The following CIT variants were observed in gnomAD, a reference collection of about 807,000 sequenced individuals.
The protein encoded by CIT is citron Rho-interacting kinase.
A neutral mutation model predicts 272.7 loss-of-function variants in CIT; 79 were observed. The ratio of observed to expected loss-of-function variants is 0.29; its 90% CI spans 0.24 to 0.35. The LOEUF (loss-of-function observed/expected upper bound fraction) is 0.35, where lower values mean the gene tolerates loss of function less well. CIT is among the 10% of genes least tolerant of loss of function. The pLI is 1.00. For missense variants in CIT, 1,909 were observed against 2,618.3 expected (o/e 0.73, Z 5.91); for synonymous variants, 948 against 995.6 (o/e 0.95, Z 0.90).
intron 26 of CIT, among the ~76,000 whole-genome samples, chr12:119,730,946 G>A (rs1353247588): frequency 1.3e-5 from 2 of 152,062 alleles, no homozygotes; most frequent in Non-Finnish European, 2.9e-5. Context: ...TGGCCAACGT[G>A]GTGAAATCCC....
At position 119,822,902 on chromosome 12, in the gene CIT, G is replaced by A. The variant is rs145804827; in HGVS notation, c.1029C>T (p.Cys343=). The change falls in exon 9 of 48, where the codon TGC becomes TGT. Residue 343 remains cysteine, a synonymous_variant. Transcript: ENST00000392521. ...CAAACTTCAGTCTCTCTTTCTGGCCGCACAACAAGCTTTGAATCAGATCAA... is the reference window on the plus strand; with the variant it reads ...CAAACTTCAGTCTCTCTTTCTGGCCACACAACAAGCTTTGAATCAGATCAA... The part of the protein sequence containing the change: ...DFLDLIQSLL[C]GQKERLKFEG... 1,903 of 1,613,976 alleles carry A rather than the reference G, an allele frequency of 1.2e-3. No individual in the cohort carries two copies. Among genetic ancestry groups the A allele is most frequent in the Non-Finnish European group, 1.5e-3 (1,773 of 1,179,966 alleles).
chr12:119,731,657 C>T (rs774389020), intron 26 of CIT, among the ~76,000 whole-genome samples: 27 of 151,628 alleles, frequency 1.8e-4, no homozygotes, highest in Non-Finnish European at 3.5e-4. Context: ...CCTCCACTGG[C>T]CATTCCCTCC....
At position 119,728,207 on chromosome 12, in the gene CIT, C is replaced by T. The variant is rs894019422; in HGVS notation, c.3591+295G>A. On this transcript the variant is annotated intron_variant, in intron 28 of 47. Coordinates refer to ENST00000392521, the MANE Select transcript of CIT (RefSeq NM_001206999.2). The surrounding 1 kb of genome is among the most constrained non-coding windows in gnomAD (Gnocchi z 4.3). ...CAGTAAAGGTGGATAACTGTCATTA[C>T]ACATTTGTCAAAACCCATAGAACAT... 5.3e-5 allele frequency among the ~76,000 whole-genome samples: 8 copies of T among 152,166 alleles called. No homozygotes were observed. Among genetic ancestry groups the T allele is most frequent in the African/African-American group, 1.9e-4 (8 of 41,420 alleles).
intron 1 of CIT, 22 bp downstream of exon 1, chr12:119,877,227 G>C (rs1472113058): frequency 1.3e-5 from 2 of 152,240 alleles, no homozygotes; most frequent in Non-Finnish European, 2.9e-5. Context: ...CGGTAGAATT[G>C]GGTCTGGGGG....
chr12:119,868,039 G>C (rs1280708566), intron 3 of CIT, among the ~76,000 whole-genome samples: 2 of 152,134 alleles, frequency 1.3e-5, no homozygotes, highest in Non-Finnish European at 2.9e-5. Flanking sequence ...AACCAGCCTG[G>C]GTAACATAGT....
At chr12:119,745,517 A>G (rs768224751) in intron 23 of CIT, among the ~76,000 whole-genome samples, 1 of 152,094 alleles carries the variant, frequency 6.6e-6, no homozygotes, top group Non-Finnish European at 1.5e-5. Flanking sequence ...AACCTGTGCT[A>G]TAAGAAATGT....
chr12:119,859,410 A>G (rs1386429037), intron 3 of CIT, among the ~76,000 whole-genome samples: 2 of 152,144 alleles, frequency 1.3e-5, no homozygotes, highest in Non-Finnish European at 2.9e-5. Flanking sequence ...TGGCTCACAC[A>G]ATGAGACAGA....
intron 3 of CIT, among the ~76,000 whole-genome samples, chr12:119,859,310 T>A (rs1950263462): frequency 6.6e-6 from 1 of 152,232 alleles, no homozygotes; most frequent in Non-Finnish European, 1.5e-5. Flanking sequence ...CACTGGAATC[T>A]TCTGGGAACT....
Position 119,758,622 on chromosome 12 carries a change from C to T in CIT, c.2500G>A (p.Ala834Thr). 6.2e-7 allele frequency: 1 copy of T among 1,613,162 alleles called. No individual in the cohort carries two copies. Among genetic ancestry groups the T allele is most frequent in the Admixed American group, 1.7e-5 (1 of 60,016 alleles). The change falls in exon 21 of 48, where the codon GCA becomes ACA. Residue 834 changes from alanine (A) to threonine (T), a missense_variant. This residue lies in a region of CIT where 530 missense variants were observed against 822.4 expected (regional missense o/e 0.64). Coordinates refer to ENST00000392521, the MANE Select transcript of CIT (RefSeq NM_001206999.2). ...VELSEANKLA[A>T]NSSLFTQRNM... ...CTTTGGGTAAAAAGACTGCTATTTGCTGCAAGTTTATTGGCTTCAGACAGT... is the reference window on the plus strand; with the variant it reads ...CTTTGGGTAAAAAGACTGCTATTTGTTGCAAGTTTATTGGCTTCAGACAGT...
At chr12:119,777,344 G>C (rs1030172914) in intron 13 of CIT, among the ~76,000 whole-genome samples, 3 of 151,934 alleles carry the variant, frequency 2.0e-5, no homozygotes, top group African/African-American at 7.3e-5. Flanking sequence ...GAGAAGTGTA[G>C]GGTGAAGATG....
chr12:119,737,030 C>A (rs1411782156), intron 24 of CIT, among the ~76,000 whole-genome samples: 5 of 152,132 alleles, frequency 3.3e-5, no homozygotes, highest in Admixed American at 2.6e-4. Context: ...TCTGCTTTTA[C>A]CTTTTTAATT....
chr12:119,705,004 C>G (rs544235402), intron 40 of CIT, among the ~76,000 whole-genome samples: 9 of 152,312 alleles, frequency 5.9e-5, no homozygotes, highest in African/African-American at 2.2e-4. Context: ...CCTCCACCTC[C>G]CGGCTTCAAG....
rs1003324947 is a variant in CIT at position 119,774,021 on chromosome 12, G to A, written c.1942-1111C>T. ...ACATGCAACATGAATGCAACTTTAG[G>A]ACATTACGCTAAATGAAAGAAGCCA... On this transcript the variant is annotated intron_variant, in intron 16 of 47. Transcript: ENST00000392521. 6.6e-5 allele frequency among the ~76,000 whole-genome samples: 10 copies of A among 152,226 alleles called. No homozygotes were observed. In the South Asian group the frequency reaches 1.7e-3, roughly 25 times the overall value.
At chr12:119,720,398 CAT>C (rs1385970221) in intron 30 of CIT, 78 bp downstream of exon 30, 7 of 914,704 alleles carry the variant, frequency 7.7e-6, no homozygotes, top group Non-Finnish European at 1.2e-5. Context: ...TTCCTATGAT[CAT>C]ATATCACAGT....
chr12:119,830,936 G>A (rs147801662), intron 7 of CIT, among the ~76,000 whole-genome samples: 13 of 152,226 alleles, frequency 8.5e-5, no homozygotes, highest in Admixed American at 7.2e-4. Flanking sequence ...GTGCAAACAC[G>A]GTCATTGCAG....
intron 42 of CIT, 21 bp downstream of exon 42, chr12:119,701,829 G>A (rs781435644): frequency 1.7e-5 from 27 of 1,613,946 alleles, no homozygotes; most frequent in South Asian, 5.5e-5. Flanking sequence ...GGGTGGGTGC[G>A]AAAGTGGAGG....
rs1478115104 is a variant in CIT at position 119,821,113 on chromosome 12, T to G, written c.1111+1707A>C. On this transcript the variant is annotated intron_variant, in intron 9 of 47. Coordinates refer to ENST00000392521, the MANE Select transcript of CIT (RefSeq NM_001206999.2). The stretch of plus-strand genomic sequence containing the variant: ...GAGTTCAAGATCAGCCTGACCAACA[T>G]GGAAAAACCCTGTTTCTACGAAAAA... Among the ~76,000 whole-genome samples, 8 of 88,148 alleles carry G rather than the reference T, an allele frequency of 9.1e-5. No individual in the cohort carries two copies. The East Asian group carries it at 4.9e-3, about 54-fold the overall frequency. 57.8% of individuals were successfully genotyped at this position (88,148 alleles called of 152,430 possible).
intron 7 of CIT, among the ~76,000 whole-genome samples, chr12:119,829,343 AAAGAAGAG>A (rs1968424591): frequency 6.9e-6 from 1 of 145,188 alleles, no homozygotes; most frequent in Non-Finnish European, 1.5e-5. Context: ...TCTTGAAAGA[AAAGAAGAG>A]AAGAGAAGAG....
chr12:119,775,901 T>C (rs1963702303), intron 15 of CIT, 62 bp from the exon 16 acceptor site: 4 of 1,330,790 alleles, frequency 3.0e-6, no homozygotes, highest in Non-Finnish European at 4.3e-6. Context: ...CTTGCTACAT[T>C]TATTGCAGTC....
Sources: gnomAD v4.1 joint callset for allele counts (sites outside exome capture counted in the v4.1 genomes callset) on GRCh38, gnomAD v4.1.1 for gene constraint, gnomAD v4.1.1 regional missense constraint, Gnocchi (gnomAD v3.1) non-coding constraint, MANE v1.5 for transcripts, NCBI Gene and HGNC (gene_info 2026-07-23, HGNC 2026-07-21) for gene names.